BTD: variants seen among roughly 807,000 people sequenced by gnomAD.
BTD encodes the protein biocytinase.
BTD carries 13 observed loss-of-function variants against 17.7 expected under a neutral mutation model. The ratio of observed to expected loss-of-function variants is 0.74; its 90% CI spans 0.48 to 1.17. The LOEUF (loss-of-function observed/expected upper bound fraction) is 1.17. BTD is among the 50% of genes most tolerant of loss of function. The pLI, the probability that BTD is intolerant of heterozygous loss-of-function variation, is 0.00. For missense variants in BTD, 674 were observed against 650.4 expected (o/e 1.04, Z -0.39); for synonymous variants, 240 against 245.2 (o/e 0.98, Z 0.20).
At chr3:15,634,222 A>G (rs1267038239) in intron 1 of BTD, among the ~76,000 whole-genome samples, 1 of 152,252 alleles carries the variant, frequency 6.6e-6, no homozygotes, top group Admixed American at 6.5e-5. Flanking sequence ...TGGTTTTAAA[A>G]TGCAAACACA....
downstream of BTD, among the ~76,000 whole-genome samples, chr3:15,717,353 A>G (rs1446618391): frequency 6.6e-6 from 1 of 152,098 alleles, no homozygotes; most frequent in East Asian, 1.9e-4. Context: ...AATAAAACCT[A>G]TTCTAAGTAT....
intron 2 of BTD, among the ~76,000 whole-genome samples, chr3:15,639,779 G>A (rs939866513): frequency 1.3e-5 from 2 of 152,176 alleles, no homozygotes; most frequent in Non-Finnish European, 2.9e-5. Flanking sequence ...TAGTATTTCT[G>A]GAAAGCAGTT....
chr3:15,663,844 T>G (rs1443508455), intron 3 of BTD, among the ~76,000 whole-genome samples: 1 of 152,240 alleles, frequency 6.6e-6, no homozygotes, highest in African/African-American at 2.4e-5. Context: ...CTGCTTACTT[T>G]GGATTTATTT....
At chr3:15,708,036 A>G (rs1575290616) in intron 3 of BTD, 3 of 1,608,948 alleles carry the variant, frequency 1.9e-6, no homozygotes, top group South Asian at 2.2e-5. Context: ...TGGTAATTGC[A>G]GTTGGCAGCA....
At chr3:15,715,279 C>T (rs546475269), downstream of BTD, among the ~76,000 whole-genome samples, 2 of 152,126 alleles carry the variant, frequency 1.3e-5, no homozygotes. Context: ...CCAAAACATA[C>T]ATGTTACCAA....
chr3:15,642,033 G>A lies in BTD; in HGVS notation c.375G>A (p.Glu125=), dbSNP rs377056454. 6.2e-7 allele frequency: 1 copy of A among 1,614,024 alleles called. No homozygotes were observed. Among genetic ancestry groups the A allele is most frequent in the Non-Finnish European group, 8.5e-7 (1 of 1,180,028 alleles). Residue 125 remains glutamate, a synonymous_variant, in exon 3 of 4, where the codon GAG becomes GAA. Transcript: ENST00000643237. ...TGGTCAGGTGGAACCCATGCCTGGA[G>A]CCTCACCGCTTCAATGACACAGAGG... is the stretch of plus-strand genomic sequence containing the variant. The part of the protein sequence containing the change: ...PQVVRWNPCL[E]PHRFNDTEVL...
intron 3 of BTD, among the ~76,000 whole-genome samples, chr3:15,662,859 T>G (rs1023605962): frequency 1.3e-4 from 19 of 150,986 alleles, no homozygotes; most frequent in African/African-American, 4.1e-4. Context: ...GGAGGTTTTT[T>G]TTTTTTTTTT....
rs966087796 is a variant in BTD at position 15,635,416 on chromosome 3, C to G, written c.-16-8C>G. ...CAGCTGTTTTCCCCTTGCCCCATTA[C>G]ATTCCAGATTTGTGGTCTGCATTAT... On this transcript the variant is annotated splice_polypyrimidine_tract_variant and splice_region_variant and intron_variant, in intron 1 of 3. Coordinates refer to ENST00000643237, the MANE Select transcript of BTD (RefSeq NM_001370658.1). This position sits in a 1 kb window ranked among gnomAD's most constrained non-coding sequence, Gnocchi z 4.1. 1 of 1,614,128 alleles carries G rather than the reference C, an allele frequency of 6.2e-7. No homozygotes were observed.
chr3:15,653,196 ACT>A lies in BTD; in HGVS notation c.*7713_*7714del, dbSNP rs1356038227. 2.0e-5 allele frequency among the ~76,000 whole-genome samples: 3 copies of A among 152,144 alleles called. No individual in the cohort carries two copies. In the East Asian group the frequency reaches 5.8e-4, roughly 29 times the overall value. On this transcript the variant is annotated 3_prime_UTR_variant, in exon 4 of 4. Coordinates refer to ENST00000643237, the MANE Select transcript of BTD (RefSeq NM_001370658.1). ...CTCCACCCCAGATCAACTTAATCGG[ACT>A]CTCTGGGAGTAGGGCCCATCAATCT...
At chr3:15,675,035 C>A (rs1463192350) in intron 3 of BTD, among the ~76,000 whole-genome samples, 1 of 152,016 alleles carries the variant, frequency 6.6e-6, no homozygotes, top group Non-Finnish European at 1.5e-5. Context: ...TTTGGGAGGC[C>A]AAGGCAGGCA....
In BTD at chr3:15,677,335, A is replaced by G. The variant is rs1432626724; in HGVS notation, c.400-32725A>G. 1.2e-5 allele frequency: 8 copies of G among 640,268 alleles called. No homozygotes were observed. The East Asian group carries it at 1.7e-4, about 13-fold the overall frequency. The allele number at this position is 640,268 out of a possible 1,614,324, so 39.7% of individuals were successfully genotyped here. On this transcript the variant is annotated intron_variant, in intron 3 of 3. Coordinates refer to the BTD transcript ENST00000672141. ...AGACTTTGATACGCCATGGTGCCTT[A>G]TAAGTCAATTTTGTTCAAGAAATCT...
chr3:15,714,712 T>A, downstream of BTD: 1 of 1,247,544 alleles, frequency 8.0e-7, no homozygotes, highest in Non-Finnish European at 1.1e-6. Context: ...GTGTAAACCT[T>A]AGTTTTACTT....
At chr3:15,683,681 T>C (rs1381416305) in intron 3 of BTD, 1 of 152,160 alleles carries the variant, frequency 6.6e-6, no homozygotes, top group Non-Finnish European at 1.5e-5. Context: ...GGCAAAAGAA[T>C]ACAACTCCCA....
chr3:15,689,675 T>C (rs2068560942), intron 3 of BTD, among the ~76,000 whole-genome samples: 1 of 152,184 alleles, frequency 6.6e-6, no homozygotes, highest in Admixed American at 6.5e-5. Flanking sequence ...AGTTAATAAA[T>C]CTATTTTTAT....
intron 2 of BTD, among the ~76,000 whole-genome samples, chr3:15,637,442 T>C (rs952715823): frequency 2.6e-5 from 4 of 152,190 alleles, no homozygotes; most frequent in African/African-American, 7.2e-5. Flanking sequence ...CCTGTACTTA[T>C]AAATTATAAA....
At chr3:15,661,265 C>CA (rs56165902) in intron 3 of BTD, among the ~76,000 whole-genome samples, 3,975 of 93,330 alleles carry the variant, frequency 0.043, 130 homozygotes, top group Non-Finnish European at 0.049. Flanking sequence ...GACTCTGTCT[C>CA]AAAAAAAAAA....
intron 3 of BTD, chr3:15,694,924 CT>C: frequency 2.0e-6 from 2 of 994,398 alleles, no homozygotes; most frequent in Non-Finnish European, 3.1e-6. Context: ...ACTCAGCAAA[CT>C]TATAAAACAT....
chr3:15,642,451 C>A lies in BTD; in HGVS notation c.399+394C>A, dbSNP rs997725929. Among the ~76,000 whole-genome samples, 3 of 150,422 alleles carry A rather than the reference C, an allele frequency of 2.0e-5. No homozygotes were observed. In the South Asian group the frequency reaches 6.3e-4, roughly 31 times the overall value. Reference sequence around the variant, plus strand: ...CTATGCATTTCATAGTTATTGACATCCTCTTTTTTTTTTTTTTTTTTGAGA... The same window carrying A: ...CTATGCATTTCATAGTTATTGACATACTCTTTTTTTTTTTTTTTTTTGAGA... On this transcript the variant is annotated intron_variant, in intron 3 of 3. Transcript: ENST00000643237.
intron 3 of BTD, chr3:15,675,947 A>G (rs1434780981): frequency 6.2e-7 from 1 of 1,613,186 alleles, no homozygotes; most frequent in East Asian, 2.2e-5. Context: ...AAAGTTCCTG[A>G]ACCACCATTG....
Sources: allele counts gnomAD v4.1 joint callset (sites outside exome capture counted in the v4.1 genomes callset), GRCh38; gene constraint gnomAD v4.1.1; non-coding constraint Gnocchi (gnomAD v3.1); transcripts MANE v1.5; gene names NCBI Gene and HGNC (gene_info 2026-07-23, HGNC 2026-07-21).